TRPM6: variants seen among roughly 807,000 people sequenced by gnomAD.
TRPM6 encodes the protein channel kinase 2.
A neutral mutation model predicts 247.6 loss-of-function variants in TRPM6; 111 were observed. The observed-to-expected ratio is 0.45, with a 90% CI of 0.38 to 0.52. The LOEUF is 0.52. TRPM6 is among the 20% of genes least tolerant of loss of function. TRPM6 has a pLI of 0.00. For missense variants in TRPM6, 2,126 were observed against 2,421.5 expected (o/e 0.88, Z 2.56); for synonymous variants, 892 against 853.8 (o/e 1.04, Z -0.78).
chr9:74,831,849 C>G (rs933370966), intron 6 of TRPM6, among the ~76,000 whole-genome samples: 1 of 152,160 alleles, frequency 6.6e-6, no homozygotes, highest in Non-Finnish European at 1.5e-5. Flanking sequence ...TCCTATACAA[C>G]TGTACCACAA....
At chr9:74,783,947 C>CT (rs1827553139) in intron 21 of TRPM6, among the ~76,000 whole-genome samples, 1 of 152,074 alleles carries the variant, frequency 6.6e-6, no homozygotes, top group Non-Finnish European at 1.5e-5. Context: ...GTCTTAGGTC[C>CT]TTGTGAACAG....
rs532923728 is a variant in TRPM6, at chr9:74,820,160, T to G, written c.1134+144A>C. On this transcript the variant is annotated intron_variant, in intron 9 of 38. Coordinates refer to ENST00000360774, the MANE Select transcript of TRPM6 (RefSeq NM_017662.5). ...TAGCTATTTATCCTGATTTTCTCCC[T>G]CCCCCCTCCACCCTGACAGGCCCCT... is the stretch of plus-strand genomic sequence containing the variant. The G allele has an allele frequency of 1.0e-5, 9 of 871,912 alleles. No individual in the cohort carries two copies. The South Asian group carries it at 1.3e-4, about 13-fold the overall frequency. The allele number at this position is 871,912 out of a possible 1,614,324, so 54.0% of individuals were successfully genotyped here.
chr9:74,858,387 CA>C (rs1830592648), intron 2 of TRPM6, among the ~76,000 whole-genome samples: 1 of 7,292 alleles, frequency 1.4e-4, no homozygotes, highest in East Asian at 1.7e-3. Context: ...GACTTCGTCT[CA>C]AAAAAACAAA....
Position 74,728,227 on chromosome 9 carries a change from T to G in TRPM6, c.5935+12A>C. The G allele has an allele frequency of 6.3e-7, 1 of 1,594,714 alleles. No individual in the cohort carries two copies. Among genetic ancestry groups the G allele is most frequent in the Non-Finnish European group, 8.6e-7 (1 of 1,162,398 alleles). ...GATTTACTTAGAGAAAAAAGAACTG[T>G]TAGTGGCATACCCGGGAGTTTGAGC... is the stretch of plus-strand genomic sequence containing the variant. On this transcript the variant is annotated intron_variant, in intron 38 of 38. Transcript: ENST00000360774.
Position 74,724,641 on chromosome 9 carries a change from T to C in TRPM6, c.6041A>G (p.Asn2014Ser), listed in dbSNP as rs1825255107. 1 of 1,614,092 alleles carries C rather than the reference T, an allele frequency of 6.2e-7. No individual in the cohort carries two copies. The highest frequency in any genetic ancestry group is 1.3e-5 in the African/African-American group (1 of 74,936). ...EEPPARETGRNSPEDDMQL is the reference protein window; with the variant it reads ...EEPPARETGRSSPEDDMQL ...TAGTTGCATATCATCTTCTGGGGAA[T>C]TTCTACCCGTCTCCCTTGCTGGAGG... Residue 2014 changes from asparagine (N) to serine (S), a missense_variant, in exon 39 of 39, where the codon AAT (asparagine) becomes AGT (serine). Around this residue, in one of 3 missense-constraint regions of TRPM6, gnomAD observed 327 missense variants for 397.7 expected, o/e 0.82. Coordinates refer to ENST00000360774, the MANE Select transcript of TRPM6 (RefSeq NM_017662.5).
chr9:74,826,503 G>A (rs1299625979), intron 7 of TRPM6, among the ~76,000 whole-genome samples: 1 of 152,070 alleles, frequency 6.6e-6, no homozygotes, highest in South Asian at 2.1e-4. Flanking sequence ...GGCAGGGGTC[G>A]ACTTTCTGGT....
rs781425565 is a variant in TRPM6 at position 74,739,915 on chromosome 9, T to G, written c.5295A>C (p.Ala1765=). The part of the protein sequence containing the change: ...MSSWSQRGRA[A]MIQVLSREEM... The stretch of plus-strand genomic sequence containing the variant: ...CCTCTCGGGACAATACCTGGATCAT[T>G]GCCGCTCTCCCACGCTGAGACCAAG... Residue 1765 remains alanine, a synonymous_variant, in exon 34 of 39, where the codon GCA becomes GCC. Coordinates refer to ENST00000360774, the MANE Select transcript of TRPM6 (RefSeq NM_017662.5). The G allele has an allele frequency of 1.9e-6, 3 of 1,614,124 alleles. No homozygotes were observed. The South Asian group carries it at 3.3e-5, about 18-fold the overall frequency.
At chr9:74,856,906 AAT>A (rs1384151326) in intron 2 of TRPM6, among the ~76,000 whole-genome samples, 1 of 152,152 alleles carries the variant, frequency 6.6e-6, no homozygotes, top group African/African-American at 2.4e-5. Flanking sequence ...ACAATCCCAC[AAT>A]ATAGAGACAG....
intron 18 of TRPM6, among the ~76,000 whole-genome samples, chr9:74,795,910 C>A (rs906887607): frequency 6.6e-6 from 1 of 152,090 alleles, no homozygotes; most frequent in African/African-American, 2.4e-5. Flanking sequence ...CTCTAATTAC[C>A]AGAAGTGCCT....
At chr9:74,779,634 T>A (rs1827346945) in intron 23 of TRPM6, among the ~76,000 whole-genome samples, 1 of 152,178 alleles carries the variant, frequency 6.6e-6, no homozygotes, top group Non-Finnish European at 1.5e-5. Context: ...TTCCCATTAC[T>A]TCACTTGGTT....
chr9:74,866,747 C>G (rs1211635402), intron 1 of TRPM6, among the ~76,000 whole-genome samples: 1 of 152,168 alleles, frequency 6.6e-6, no homozygotes, highest in African/African-American at 2.4e-5. Context: ...TCCCAAAGTG[C>G]AGGGATTACA....
intron 14 of TRPM6, among the ~76,000 whole-genome samples, chr9:74,807,269 T>C (rs1007794081): frequency 2.6e-5 from 4 of 152,174 alleles, no homozygotes. Flanking sequence ...CATATGACAC[T>C]GATTCTCCAG....
intron 3 of TRPM6, among the ~76,000 whole-genome samples, chr9:74,852,892 C>T (rs943374096): frequency 5.3e-5 from 8 of 152,214 alleles, no homozygotes; most frequent in Non-Finnish European, 1.0e-4. Context: ...GCCGAGATTG[C>T]AGCCTCTGCC....
In TRPM6 at chr9:74,872,615, T is replaced by TGTGTGTGTGTGC. The variant is rs1400938763; in HGVS notation, c.34-13868_34-13867insGCACACACACAC. ...CCAGCAAATTTTGTGTGTGTGTGTG[T>TGTGTGTGTGTGC]GTGTGTGTGCATGCGCGCACGTGTG... On this transcript the variant is annotated intron_variant, in intron 1 of 38. Coordinates refer to ENST00000360774, the MANE Select transcript of TRPM6 (RefSeq NM_017662.5). Among the ~76,000 whole-genome samples, 1,009 of 151,728 alleles carry TGTGTGTGTGTGC rather than the reference T, an allele frequency of 6.7e-3. 15 individuals carry two copies. Among genetic ancestry groups the TGTGTGTGTGTGC allele is most frequent in the African/African-American group, 0.023 (969 of 41,276 alleles).
chr9:74,802,323 G>A (rs1828372749), intron 15 of TRPM6, 148 bp from the exon 16 acceptor site: 3 of 742,306 alleles, frequency 4.0e-6, no homozygotes, highest in Non-Finnish European at 2.2e-6. Context: ...AAGCCAGCAA[G>A]CAAAATTTAG....
intron 9 of TRPM6, 82 bp from the exon 10 acceptor site, chr9:74,817,046 C>T (rs1828959533): frequency 4.1e-6 from 5 of 1,212,912 alleles, no homozygotes; most frequent in Admixed American, 1.7e-5. Context: ...AGAATTCAGA[C>T]TGGAGCTAAT....
rs182515002 is a variant in TRPM6, at chr9:74,871,321, G to C, written c.34-12573C>G. On this transcript the variant is annotated intron_variant, in intron 1 of 38. Coordinates refer to ENST00000360774, the MANE Select transcript of TRPM6 (RefSeq NM_017662.5). ...CAAAAGTTAACCTCTATTACAGTTTGTTGTGCATTCCTCTAAAGATAGTCA... is the reference window on the plus strand; with the variant it reads ...CAAAAGTTAACCTCTATTACAGTTTCTTGTGCATTCCTCTAAAGATAGTCA... Among the ~76,000 whole-genome samples the C allele has an allele frequency of 6.5e-3, 989 of 152,116 alleles. 14 individuals are homozygous for C. Among genetic ancestry groups the C allele is most frequent in the African/African-American group, 0.023 (957 of 41,488 alleles).
intron 36 of TRPM6, among the ~76,000 whole-genome samples, chr9:74,733,494 T>C (rs1418790660): frequency 2.0e-5 from 3 of 152,150 alleles, no homozygotes; most frequent in Non-Finnish European, 4.4e-5. Flanking sequence ...TAGCAGATAT[T>C]CTAATTTTAT....
At chr9:74,825,939 C>T (rs1047894146) in intron 7 of TRPM6, among the ~76,000 whole-genome samples, 3 of 152,066 alleles carry the variant, frequency 2.0e-5, no homozygotes, top group African/African-American at 7.2e-5. Flanking sequence ...TCCTACCCCG[C>T]AGAAGACCAC....
Sources: allele counts gnomAD v4.1 joint callset (sites outside exome capture counted in the v4.1 genomes callset), GRCh38; gene constraint gnomAD v4.1.1; regional missense constraint gnomAD v4.1.1; transcripts MANE v1.5; gene names NCBI Gene and HGNC (gene_info 2026-07-23, HGNC 2026-07-21).